Variants in ATRNL1 observed in about 807,000 individuals in gnomAD.
The protein encoded by ATRNL1 is attractin like 1, also known as attractin-like protein 1.
A neutral mutation model predicts 182.7 loss-of-function variants in ATRNL1; 95 were observed. That is an observed-to-expected ratio of 0.52 (90% CI 0.44 to 0.62). The LOEUF (loss-of-function observed/expected upper bound fraction) is 0.62. Among genes scored for constraint, ATRNL1 ranks in the 20% least tolerant of loss-of-function variants. The pLI is 0.00. For synonymous variants in ATRNL1, 576 were observed against 568.3 expected (o/e 1.01, Z -0.19); for missense variants, 1,471 against 1,679.5 (o/e 0.88, Z 2.17).
At chr10:115,523,756 A>G (rs756481623) in intron 25 of ATRNL1, among the ~76,000 whole-genome samples, 4 of 152,130 alleles carry the variant, frequency 2.6e-5, no homozygotes, top group Non-Finnish European at 5.9e-5. Flanking sequence ...CCACTTAACC[A>G]ATTTCTAAGA....
intron 21 of ATRNL1, among the ~76,000 whole-genome samples, chr10:115,435,058 T>C (rs1293090997): frequency 7.2e-6 from 1 of 139,388 alleles, no homozygotes; most frequent in Non-Finnish European, 1.5e-5. Context: ...TGTGACGGAG[T>C]CTTGCTCTGT....
intron 26 of ATRNL1, among the ~76,000 whole-genome samples, chr10:115,608,715 T>A (rs575728752): frequency 1.4e-4 from 22 of 152,174 alleles, no homozygotes; most frequent in Middle Eastern, 6.8e-3. Flanking sequence ...TTTAAAATTA[T>A]TTACCTATTA....
intron 25 of ATRNL1, among the ~76,000 whole-genome samples, chr10:115,528,018 CTT>C (rs1554987153): frequency 4.5e-5 from 3 of 66,654 alleles, no homozygotes; most frequent in African/African-American, 1.3e-4. Flanking sequence ...TCCTTCCTTC[CTT>C]CCTTCCCTCC....
chr10:115,685,494 A>G (rs1291705358), intron 26 of ATRNL1, among the ~76,000 whole-genome samples: 4 of 151,998 alleles, frequency 2.6e-5, no homozygotes, highest in South Asian at 4.1e-4. Flanking sequence ...AGCTAAAGCT[A>G]CTGTCATCAT....
chr10:115,582,700 G>A (rs1296394953), intron 26 of ATRNL1, among the ~76,000 whole-genome samples: 1 of 149,350 alleles, frequency 6.7e-6, no homozygotes, highest in South Asian at 2.2e-4. Context: ...TAGGCTGCCT[G>A]TTCACTCTGA....
At chr10:115,804,622 C>A (rs1188090798) in intron 27 of ATRNL1, among the ~76,000 whole-genome samples, 1 of 152,148 alleles carries the variant, frequency 6.6e-6, no homozygotes, top group African/African-American at 2.4e-5. Flanking sequence ...TTAAGCCGCC[C>A]AGTTTATGCT....
intron 2 of ATRNL1, 148 bp from the exon 3 acceptor site, chr10:115,121,551 A>C (rs1844735758): frequency 5.3e-6 from 2 of 375,354 alleles, no homozygotes; most frequent in South Asian, 2.4e-4. Context: ...ATTTATAGCA[A>C]AATTATCTAT....
intron 7 of ATRNL1, among the ~76,000 whole-genome samples, 175 bp downstream of exon 7, chr10:115,165,820 T>G (rs782271417): frequency 2.6e-5 from 4 of 152,102 alleles, no homozygotes; most frequent in Non-Finnish European, 5.9e-5. Context: ...AGAATAGATT[T>G]TAGAACAATC....
intron 26 of ATRNL1, 60 bp downstream of exon 26, chr10:115,549,596 T>C: frequency 3.4e-6 from 4 of 1,172,094 alleles, no homozygotes; most frequent in Non-Finnish European, 4.8e-6. Flanking sequence ...TGGATCTCTA[T>C]TGTCTGTTAA....
At chr10:115,214,821 A>G (rs1849167530) in intron 8 of ATRNL1, among the ~76,000 whole-genome samples, 2 of 152,136 alleles carry the variant, frequency 1.3e-5, no homozygotes, top group Admixed American at 1.3e-4. Flanking sequence ...CTGCATTGGG[A>G]AATGAATCTA....
At chr10:115,729,525 G>A (rs1555061951) in intron 27 of ATRNL1, among the ~76,000 whole-genome samples, 2 of 151,168 alleles carry the variant, frequency 1.3e-5, no homozygotes, top group South Asian at 4.2e-4. Flanking sequence ...GTGTGTGTGT[G>A]TGTGTGTGTG....
intron 19 of ATRNL1, among the ~76,000 whole-genome samples, chr10:115,334,714 AT>A (rs1362621604): frequency 3.9e-5 from 6 of 152,200 alleles, no homozygotes; most frequent in Non-Finnish European, 8.8e-5. Flanking sequence ...AAAAATAATC[AT>A]TGCTGATAGT....
chr10:115,516,711 G>A (rs1229825330), intron 24 of ATRNL1, among the ~76,000 whole-genome samples: 1 of 119,016 alleles, frequency 8.4e-6, no homozygotes, highest in Non-Finnish European at 2.0e-5. Flanking sequence ...CAATACTCCA[G>A]ATCTTATGAC....
At chr10:115,197,302 T>TATATTCATAAGAGATATAACATTAAGAG (rs1554891284) in intron 8 of ATRNL1, among the ~76,000 whole-genome samples, 1 of 152,140 alleles carries the variant, frequency 6.6e-6, no homozygotes, top group African/African-American at 2.4e-5. Flanking sequence ...CTTCTATGTC[T>TATATTCATAAGAGATATAACATTAAGAG]ATATTCATAA....
intron 27 of ATRNL1, among the ~76,000 whole-genome samples, chr10:115,838,610 T>A (rs540785260): frequency 6.6e-6 from 1 of 152,270 alleles, no homozygotes; most frequent in East Asian, 1.9e-4. Flanking sequence ...AAGAAACCCC[T>A]AGGGCTATAG....
At chr10:115,709,534 G>A (rs1270952086) in intron 26 of ATRNL1, among the ~76,000 whole-genome samples, 1 of 151,814 alleles carries the variant, frequency 6.6e-6, no homozygotes. Flanking sequence ...AATGGAAAAG[G>A]CAGGGCAGGA....
intron 10 of ATRNL1, among the ~76,000 whole-genome samples, chr10:115,247,187 C>T (rs1850681885): frequency 6.6e-6 from 1 of 151,932 alleles, no homozygotes; most frequent in African/African-American, 2.4e-5. Context: ...AAAGCTTTTG[C>T]AAAGAAAAGG....
At chr10:115,876,640 CAATTAAGATTTGATG>C (rs1195671900) in intron 28 of ATRNL1, among the ~76,000 whole-genome samples, 16 of 152,028 alleles carry the variant, frequency 1.1e-4, no homozygotes, top group Non-Finnish European at 1.9e-4. Flanking sequence ...AGTGTGTGCT[CAATTAAGATTTGATG>C]AATGAATGAT....
intron 1 of ATRNL1, among the ~76,000 whole-genome samples, chr10:115,113,772 G>A (rs1389406248): frequency 6.6e-6 from 1 of 152,078 alleles, no homozygotes; most frequent in Non-Finnish European, 1.5e-5. Context: ...GCATGAAAAT[G>A]GATGCTAATA....
Sources: allele counts gnomAD v4.1 joint callset (sites outside exome capture counted in the v4.1 genomes callset), GRCh38; gene constraint gnomAD v4.1.1; transcripts MANE v1.5; gene names NCBI Gene and HGNC (gene_info 2026-07-23, HGNC 2026-07-21).